The following PTPRD variants were observed in gnomAD, a reference collection of about 807,000 sequenced individuals.
PTPRD encodes the protein receptor-type tyrosine-protein phosphatase delta.
A neutral mutation model predicts 214.5 loss-of-function variants in PTPRD; 34 were observed. That is an observed-to-expected ratio of 0.16 (90% confidence interval 0.12 to 0.21). The LOEUF is 0.21. Ranked by LOEUF, PTPRD falls within the 10% of genes least tolerant of loss-of-function variation. The pLI is 1.00. For synonymous variants in PTPRD, 1,128 were observed against 845.7 expected (o/e 1.33, Z -5.79); for missense variants, 2,545 against 2,398.7 (o/e 1.06, Z -1.27).
At chr9:10,247,048 C>A (rs1347648139) in intron 3 of PTPRD, among the ~76,000 whole-genome samples, 1 of 151,912 alleles carries the variant, frequency 6.6e-6, no homozygotes, top group African/African-American at 2.4e-5. Flanking sequence ...GCTATAGGGT[C>A]AAAGAGAAAA....
chr9:9,261,477 A>G (rs986178265), intron 9 of PTPRD, among the ~76,000 whole-genome samples: 7 of 151,898 alleles, frequency 4.6e-5, no homozygotes, highest in African/African-American at 1.7e-4. Context: ...GACAATAAAA[A>G]TGAACACTTT....
chr9:9,551,005 T>C (rs2080083262), intron 8 of PTPRD, among the ~76,000 whole-genome samples: 1 of 151,986 alleles, frequency 6.6e-6, no homozygotes, highest in African/African-American at 2.4e-5. Context: ...TATAAGTTCC[T>C]AGAGTTATCT....
At chr9:9,398,075 C>G (rs4740980) in intron 8 of PTPRD, among the ~76,000 whole-genome samples, 83,976 of 151,410 alleles carry the variant, frequency 0.55, 24,089 homozygotes, top group Admixed American at 0.64. Flanking sequence ...AGTCTCGAAT[C>G]ATAAGCCCAC....
intron 8 of PTPRD, among the ~76,000 whole-genome samples, chr9:9,547,845 TATA>T (rs2079166845): frequency 7.1e-6 from 1 of 141,822 alleles, no homozygotes; most frequent in Admixed American, 6.9e-5. Context: ...GTCCAAGGCA[TATA>T]ATAAGCAAAT....
chr9:8,957,261 C>T (rs2099136207), intron 11 of PTPRD, among the ~76,000 whole-genome samples: 1 of 151,784 alleles, frequency 6.6e-6, no homozygotes, highest in Non-Finnish European at 1.5e-5. Flanking sequence ...GCTACCTACT[C>T]CTCCAGAAAA....
intron 2 of PTPRD, among the ~76,000 whole-genome samples, chr9:10,432,248 G>C (rs1022699355): frequency 7.5e-6 from 1 of 133,544 alleles, no homozygotes; most frequent in African/African-American, 2.8e-5. Context: ...AGATCACATG[G>C]ACACAGGAAG....
At chr9:8,843,733 G>A (rs957455182) in intron 11 of PTPRD, among the ~76,000 whole-genome samples, 1 of 152,152 alleles carries the variant, frequency 6.6e-6, no homozygotes, top group Non-Finnish European at 1.5e-5. Flanking sequence ...GGCAGATACT[G>A]TCTACTATGG....
At chr9:9,422,804 C>T (rs2079300027) in intron 8 of PTPRD, among the ~76,000 whole-genome samples, 1 of 152,122 alleles carries the variant, frequency 6.6e-6, no homozygotes, top group South Asian at 2.1e-4. Flanking sequence ...GATAGTTTTC[C>T]TTGAGACCTT....
intron 14 of PTPRD, among the ~76,000 whole-genome samples, chr9:8,542,375 C>T (rs2078696311): frequency 6.6e-6 from 1 of 151,796 alleles, no homozygotes. Context: ...AGCCCTGTGG[C>T]AAGATAAACT....
intron 44 of PTPRD, among the ~76,000 whole-genome samples, chr9:8,328,729 T>C (rs1836571574): frequency 6.6e-6 from 1 of 152,120 alleles, no homozygotes; most frequent in Admixed American, 6.6e-5. Flanking sequence ...GTTCATTTCT[T>C]TTTACTCTTT....
intron 12 of PTPRD, among the ~76,000 whole-genome samples, chr9:8,689,083 GAAATGGAGATGTCT>G (rs1351065270): frequency 1.3e-5 from 2 of 152,190 alleles, no homozygotes; most frequent in African/African-American, 4.8e-5. Context: ...CTCCTCCTGA[GAAATGGAGATGTCT>G]AAATCAGGCT....
Position 10,605,629 on chromosome 9 carries a change from G to A in PTPRD, c.-600+6769C>T, listed in dbSNP as rs561254203. 2.0e-5 allele frequency among the ~76,000 whole-genome samples: 3 copies of A among 151,812 alleles called. No individual in the cohort carries two copies. In the South Asian group the frequency reaches 6.2e-4, roughly 31 times the overall value. ...GACTCAGGATGACAGCAAAGGAGAA[G>A]GACAATAAGGTAAGTGTAGATACGT... On this transcript the variant is annotated intron_variant, in intron 2 of 45. Coordinates refer to ENST00000381196, the MANE Select transcript of PTPRD (RefSeq NM_002839.4).
chr9:8,380,900 T>A (rs915429990), intron 37 of PTPRD, among the ~76,000 whole-genome samples: 1 of 152,160 alleles, frequency 6.6e-6, no homozygotes, highest in African/African-American at 2.4e-5. Context: ...TACCACTTTC[T>A]GAAAACAAAA....
chr9:10,353,132 C>A (rs1340110579), intron 2 of PTPRD, among the ~76,000 whole-genome samples: 1 of 151,886 alleles, frequency 6.6e-6, no homozygotes, highest in Admixed American at 6.6e-5. Flanking sequence ...GAATAATCTT[C>A]TTTAAAATAA....
chr9:9,051,984 A>T (rs1007572582), intron 10 of PTPRD, among the ~76,000 whole-genome samples: 2 of 152,212 alleles, frequency 1.3e-5, no homozygotes, highest in African/African-American at 4.8e-5. Context: ...ATCTTCATCC[A>T]TCTGGATTGC....
At chr9:8,848,325 T>C (rs1283855074) in intron 11 of PTPRD, among the ~76,000 whole-genome samples, 40 of 149,924 alleles carry the variant, frequency 2.7e-4, no homozygotes, top group African/African-American at 8.6e-4. Flanking sequence ...TTTTTTTTTT[T>C]TTTTTTTTTT....
intron 9 of PTPRD, among the ~76,000 whole-genome samples, chr9:9,392,377 C>T (rs1471156900): frequency 2.0e-5 from 3 of 152,264 alleles, no homozygotes; most frequent in Non-Finnish European, 1.5e-5. Flanking sequence ...CAGCAGAAGT[C>T]TTAGCTTTTT....
At chr9:8,443,485 T>G (rs2095617886) in intron 34 of PTPRD, among the ~76,000 whole-genome samples, 1 of 152,216 alleles carries the variant, frequency 6.6e-6, no homozygotes, top group African/African-American at 2.4e-5. Flanking sequence ...CCGTTAACTT[T>G]TTATGAGTTT....
intron 8 of PTPRD, among the ~76,000 whole-genome samples, chr9:9,537,298 CT>C (rs1463678266): frequency 3.3e-5 from 5 of 151,832 alleles, no homozygotes; most frequent in Non-Finnish European, 5.9e-5. Flanking sequence ...AGTCATACAT[CT>C]TTTAAGTAGT....
Sources: allele counts gnomAD v4.1 joint callset (sites outside exome capture counted in the v4.1 genomes callset), GRCh38; gene constraint gnomAD v4.1.1; transcripts MANE v1.5; gene names NCBI Gene and HGNC (gene_info 2026-07-23, HGNC 2026-07-21).